STARD8: variants seen among roughly 807,000 people sequenced by gnomAD.
STARD8 encodes StAR related lipid transfer domain containing 8.
Under a neutral mutation model 69.4 loss-of-function variants are expected in STARD8, and 25 were observed. The ratio of observed to expected loss-of-function variants is 0.36; its 90% CI spans 0.26 to 0.50. STARD8 has a LOEUF of 0.50. Among genes scored for constraint, STARD8 ranks in the 20% least tolerant of loss-of-function variants. STARD8 has a pLI of 0.96. For synonymous variants in STARD8, 389 were observed against 374.6 expected, an observed-to-expected ratio of 1.04 and a Z score of -0.45; for missense variants, 921 against 932.5, an observed-to-expected ratio of 0.99 and a Z score of 0.16.
intron 3 of STARD8, among the ~76,000 whole-genome samples, chrX:68,713,301 TG>T (rs1416627045): frequency 1.8e-5 from 2 of 112,735 alleles, no homozygotes; most frequent in Non-Finnish European, 3.7e-5. Context: ...GAATGCCGCC[TG>T]GAGTTGTACA....
At chrX:68,721,969 G>A in intron 10 of STARD8, 78 bp from the exon 11 acceptor site, 1 of 985,384 alleles carries the variant, frequency 1.0e-6, no homozygotes, top group Non-Finnish European at 1.4e-6. Context: ...CTTCCTGGCA[G>A]CTAGAAGGCA....
Position 68,722,726 on chromosome X carries a change from A to C in STARD8, c.2799+80A>C, listed in dbSNP as rs1002568806. On this transcript the variant is annotated intron_variant, in intron 12 of 14. Transcript: ENST00000374599. ...AAGGGTAGTCAGAGAACCCAAAGGAAGGAGCCGGGGAGGAGCTGCCGCCTG... is the reference window on the plus strand; with the variant it reads ...AAGGGTAGTCAGAGAACCCAAAGGACGGAGCCGGGGAGGAGCTGCCGCCTG... The C allele has an allele frequency of 1.2e-5, 12 of 1,015,429 alleles. No individual in the cohort carries two copies. In the Admixed American group the frequency reaches 3.1e-4, roughly 27 times the overall value. The allele number at this position is 1,015,429 out of a possible 1,213,427, so 83.7% of individuals were successfully genotyped here.
chrX:68,653,590 C>T (rs1269492564), intron 1 of STARD8, among the ~76,000 whole-genome samples: 4 of 83,682 alleles, frequency 4.8e-5, no homozygotes, highest in African/African-American at 1.8e-4. Context: ...ACACACCACA[C>T]CACACAAGCA....
chrX:68,677,607 G>A (rs1216181548), intron 2 of STARD8, among the ~76,000 whole-genome samples: 1 of 111,468 alleles, frequency 9.0e-6, no homozygotes, highest in Non-Finnish European at 1.9e-5. Context: ...ACAGCTACTT[G>A]ACCTTCCTTT....
At chrX:68,652,265 G>C (rs937772818) in intron 1 of STARD8, among the ~76,000 whole-genome samples, 4 of 111,131 alleles carry the variant, frequency 3.6e-5, no homozygotes, top group African/African-American at 9.8e-5. Context: ...AAAGAATGAG[G>C]GTTATTCTAT....
chrX:68,668,107 T>G (rs866828979), intron 2 of STARD8, among the ~76,000 whole-genome samples: 43 of 98,323 alleles, frequency 4.4e-4, no homozygotes, highest in African/African-American at 1.5e-3. Flanking sequence ...CTTTCTTTCT[T>G]TCTTTCTGTC....
intron 7 of STARD8, 103 bp from the exon 8 acceptor site, chrX:68,720,161 G>T (rs1490742782): frequency 2.4e-5 from 23 of 956,582 alleles, no homozygotes; most frequent in Non-Finnish European, 2.9e-5. Flanking sequence ...TGGGGCAGTG[G>T]TGTGTGCCTT....
intron 2 of STARD8, among the ~76,000 whole-genome samples, chrX:68,696,856 A>G (rs1360806956): frequency 1.8e-5 from 2 of 112,146 alleles, no homozygotes; most frequent in Non-Finnish European, 3.8e-5. Flanking sequence ...GGTTAGTGGC[A>G]TAAATAATAC....
chrX:68,661,532 C>T (rs1183271262), intron 1 of STARD8, among the ~76,000 whole-genome samples: 1 of 111,980 alleles, frequency 8.9e-6, no homozygotes, highest in Admixed American at 9.4e-5. Context: ...TACCCCAGTG[C>T]CTAGTGGACT....
In STARD8 at chrX:68,650,837, A is replaced by T. The variant is rs187396965; in HGVS notation, c.45+2910A>T. Among the ~76,000 whole-genome samples the T allele has an allele frequency of 7.3e-3, 790 of 107,979 alleles. 1 individual carries two copies. The highest frequency in any genetic ancestry group is 0.011 in the Non-Finnish European group (572 of 52,161). 93.8% of individuals were successfully genotyped at this position (107,979 alleles called of 115,157 possible). On this transcript the variant is annotated intron_variant, in intron 1 of 14. Coordinates refer to ENST00000374599, the MANE Select transcript of STARD8 (RefSeq NM_001142503.3). ...AAAACAAAACAAAACAAAACAAAAC[A>T]AAACTGGTGGGCTAGGACAGCCCCA...
Position 68,717,276 on chromosome X carries a change from G to C in STARD8, c.362G>C (p.Ser121Thr), listed in dbSNP as rs749743552. 5.8e-6 allele frequency: 7 copies of C among 1,202,693 alleles called. No homozygotes were observed. The African/African-American group carries it at 1.1e-4, about 18-fold the overall frequency. ...ISSHWAFQQESKCWSPMGSSD... is the reference protein window; with the variant it reads ...ISSHWAFQQETKCWSPMGSSD... Reference sequence around the variant, plus strand: ...AGCCACTGGGCCTTCCAGCAGGAAAGTAAGTGCTGGTCTCCTATGGGGTCC... The same window carrying C: ...AGCCACTGGGCCTTCCAGCAGGAAACTAAGTGCTGGTCTCCTATGGGGTCC... Residue 121 changes from serine (S) to threonine (T), a missense_variant, in exon 6 of 15, where the codon AGT (serine) becomes ACT (threonine). By Grantham distance (58) the Ser-to-Thr change is moderately conservative. Transcript: ENST00000374599.
At position 68,655,201 on chromosome X, in the gene STARD8, A is replaced by C. The variant is rs775139707; in HGVS notation, c.45+7274A>C. ...CACCGCTTCCTCAGGACACTATTGCAGATCCCTTCGTCAGTCTGATGTGTG... is the reference window on the plus strand; with the variant it reads ...CACCGCTTCCTCAGGACACTATTGCCGATCCCTTCGTCAGTCTGATGTGTG... On this transcript the variant is annotated intron_variant, in intron 1 of 14. Transcript: ENST00000374599. Among the ~76,000 whole-genome samples, 6 of 112,119 alleles carry C rather than the reference A, an allele frequency of 5.4e-5. 1 individual carries two copies. The Middle Eastern group carries it at 0.014, about 256-fold the overall frequency.
chrX:68,715,066 A>G (rs2080080896), intron 3 of STARD8, among the ~76,000 whole-genome samples: 1 of 110,555 alleles, frequency 9.0e-6, no homozygotes, highest in Admixed American at 9.5e-5. Context: ...GACCTGCCTT[A>G]CTGACTGACA....
intron 2 of STARD8, among the ~76,000 whole-genome samples, chrX:68,697,654 T>A (rs768405379): frequency 8.9e-6 from 1 of 112,370 alleles, no homozygotes; most frequent in East Asian, 2.8e-4. Context: ...TGTCATCTAA[T>A]CACCAAGGCC....
Position 68,717,669 on chromosome X carries a change from T to A in STARD8, c.755T>A (p.Leu252His), listed in dbSNP as rs1450215331. Residue 252 changes from leucine to histidine, a missense_variant, in exon 6 of 15, where the codon CTC becomes CAC. Physicochemically the swap from Leu to His is moderately conservative, Grantham distance 99. Coordinates refer to ENST00000374599, the MANE Select transcript of STARD8 (RefSeq NM_001142503.3). ...ASSFRSCRGF[L>H]SAGFYRAKNW... Reference sequence around the variant, plus strand: ...TCTTTCCGCAGTTGTCGTGGCTTCCTCTCAGCTGGATTTTACAGGGCCAAG... The same window carrying A: ...TCTTTCCGCAGTTGTCGTGGCTTCCACTCAGCTGGATTTTACAGGGCCAAG... 3.3e-6 allele frequency: 4 copies of A among 1,210,742 alleles called. No individual in the cohort carries two copies. The highest frequency in any genetic ancestry group is 4.5e-6 in the Non-Finnish European group (4 of 895,398).
intron 2 of STARD8, chrX:68,693,510 A>G (rs1248620035): frequency 2.0e-5 from 7 of 353,027 alleles, no homozygotes; most frequent in African/African-American, 2.8e-5. Flanking sequence ...ACCTGCAGGC[A>G]GTGCCCCGCC....
At chrX:68,720,843 A>G in intron 8 of STARD8, 81 bp from the exon 9 acceptor site, 1 of 993,624 alleles carries the variant, frequency 1.0e-6, no homozygotes, top group Non-Finnish European at 1.4e-6. Context: ...GGCTCCTGAC[A>G]CCCAGTCTAG....
chrX:68,664,491 C>T (rs1195834982), intron 1 of STARD8, among the ~76,000 whole-genome samples: 1 of 111,846 alleles, frequency 8.9e-6, no homozygotes, highest in Non-Finnish European at 1.9e-5. Flanking sequence ...TGGCCTTAGC[C>T]TCTCATAATT....
At chrX:68,721,977 G>T in intron 10 of STARD8, 70 bp from the exon 11 acceptor site, 1 of 1,017,664 alleles carries the variant, frequency 9.8e-7, no homozygotes, top group Non-Finnish European at 1.3e-6. Context: ...CAGCTAGAAG[G>T]CAGCCTGTCT....
Sources: gnomAD v4.1 joint callset for allele counts (sites outside exome capture counted in the v4.1 genomes callset) on GRCh38, gnomAD v4.1.1 for gene constraint, MANE v1.5 for transcripts, NCBI Gene and HGNC (gene_info 2026-07-23, HGNC 2026-07-21) for gene names.